ABCA7: variants seen among roughly 807,000 people sequenced by gnomAD.
ABCA7 encodes phospholipid-transporting ATPase ABCA7.
In ABCA7, 261 loss-of-function variants were observed where a neutral mutation model predicts 227.6. The ratio of observed to expected loss-of-function variants is 1.15; its 90% CI spans 1.04 to 1.27. The LOEUF (loss-of-function observed/expected upper bound fraction) is 1.27. ABCA7 is among the 50% of genes most tolerant of loss of function. The pLI is 0.00. For missense variants in ABCA7, 3,331 were observed against 2,924.5 expected (o/e 1.14, Z -3.21); for synonymous variants, 1,488 against 1,279.7 (o/e 1.16, Z -3.47).
intron 40 of ABCA7, among the ~76,000 whole-genome samples, chr19:1,061,390 C>CAAAAAA (rs978850571): frequency 0.012 from 428 of 36,900 alleles, 40 homozygotes; most frequent in African/African-American, 0.058. Flanking sequence ...GGCTCCGTCT[C>CAAAAAA]AAAAAAAAAA....
Position 1,046,252 on chromosome 19 carries a change from G to T in ABCA7, c.1468G>T (p.Ala490Ser). 1 of 1,607,172 alleles carries T rather than the reference G, an allele frequency of 6.2e-7. No homozygotes were observed. The highest frequency in any genetic ancestry group is 8.5e-7 in the Non-Finnish European group (1 of 1,179,744). ...RDRFWDPGPA[A>S]DPLTDLRYVW... The stretch of plus-strand genomic sequence containing the variant: ...CAGGTTTTGGGACCCTGGCCCAGCC[G>T]CGGACCCCCTGACCGACCTGCGCTA... The change falls in exon 13 of 47, where the codon GCG becomes TCG. Residue 490 changes from alanine (A) to serine (S), a missense_variant. Ala to Ser is a moderately conservative substitution (Grantham distance 99, BLOSUM62 1). Coordinates refer to ENST00000263094, the MANE Select transcript of ABCA7 (RefSeq NM_019112.4).
At chr19:1,050,706 G>A (rs982635667) in intron 18 of ABCA7, among the ~76,000 whole-genome samples, 5 of 150,304 alleles carry the variant, frequency 3.3e-5, no homozygotes, top group African/African-American at 1.2e-4. Flanking sequence ...CGTGAACCCG[G>A]GAGGTGGAGC....
Position 1,050,921 on chromosome 19 carries a change from G to T in ABCA7, c.2553G>T (p.Leu851=), listed in dbSNP as rs951115561. ...TACTCTGAGACCCCTCTATCCACAG[G>T]TCCATCTTGAGTGGCCTCTTCCCAC... ...GHNGAGKTTT[L]SILSGLFPPS... Residue 851 remains leucine, a splice_region_variant and synonymous_variant, in exon 19 of 47, where the codon CTG becomes CTT. Coordinates refer to ENST00000263094, the MANE Select transcript of ABCA7 (RefSeq NM_019112.4). 2.5e-6 allele frequency: 4 copies of T among 1,602,454 alleles called. No homozygotes were observed. In the African/African-American group the frequency reaches 5.4e-5, roughly 21 times the overall value.
Position 1,052,096 on chromosome 19 carries a change from G to C in ABCA7, c.3117G>C (p.Lys1039Asn), listed in dbSNP as rs780218011. The C allele has an allele frequency of 1.1e-5, 18 of 1,612,230 alleles. No individual in the cohort carries two copies. In the Middle Eastern group the frequency reaches 5.0e-4, roughly 44 times the overall value. ...LGSGYYLTLV[K>N]ARLPLTTNEK... Reference sequence around the variant, plus strand: ...CCGGCTACTACCTGACGCTGGTGAAGGCCCGCCTGCCCCTGACCACCAATG... The same window carrying C: ...CCGGCTACTACCTGACGCTGGTGAACGCCCGCCTGCCCCTGACCACCAATG... The change falls in exon 22 of 47, where the codon AAG (lysine) becomes AAC (asparagine). Residue 1039 changes from lysine (K) to asparagine (N), a missense_variant. Transcript: ENST00000263094.
intron 42 of ABCA7, among the ~76,000 whole-genome samples, chr19:1,063,243 C>T: frequency 7.3e-6 from 1 of 137,344 alleles, no homozygotes; most frequent in Non-Finnish European, 1.6e-5. Context: ...GCTGTCTCCA[C>T]CCACACCATG....
rs1348224523 is a variant in ABCA7, at chr19:1,042,381, C to A, written c.482C>A (p.Thr161Lys). The A allele has an allele frequency of 2.5e-6, 4 of 1,607,754 alleles. No individual in the cohort carries two copies. Among genetic ancestry groups the A allele is most frequent in the Non-Finnish European group, 3.4e-6 (4 of 1,175,862 alleles). The change falls in exon 6 of 47, where the codon ACG becomes AAG. Residue 161 changes from threonine (T) to lysine (K), a missense_variant. Transcript: ENST00000263094. ...ATGCTGGATGTCGCGGAGCTGCTGA[C>A]GTCACTGCTGCGCACGGTAGGGTGT... ...PPMLDVAELL[T>K]SLLRTESLGL...
chr19:1,043,518 C>T (rs1249527202), intron 9 of ABCA7, 45 bp downstream of exon 9: 1 of 1,612,530 alleles, frequency 6.2e-7, no homozygotes, highest in Non-Finnish European at 8.5e-7. Context: ...GTGGCCAGAG[C>T]CCATCCAGTA....
chr19:1,058,361 C>A (rs1364933714), intron 37 of ABCA7, 92 bp downstream of exon 37: 1 of 1,529,752 alleles, frequency 6.5e-7, no homozygotes, highest in Non-Finnish European at 8.8e-7. Flanking sequence ...GAAAAACAGC[C>A]CCCCAGGGAG....
rs752048506 is a variant in ABCA7 at position 1,057,066 on chromosome 19, C to T, written c.4746C>T (p.Gly1582=). The change falls in exon 34 of 47, where the codon GGC becomes GGT. Residue 1582 remains glycine (G), a synonymous_variant. Transcript: ENST00000263094. ...GGLSPTLYWL[G]NFLWDMCNYL... ...TGTCCCCCACCCTCTACTGGCTTGG[C>T]AACTTTCTCTGGGACATGGTGCGGG... 4 of 1,612,850 alleles carry T rather than the reference C, an allele frequency of 2.5e-6. No individual in the cohort carries two copies. In the South Asian group the frequency reaches 4.4e-5, roughly 18 times the overall value.
intron 11 of ABCA7, 24 bp downstream of exon 11, chr19:1,044,768 G>T (rs1348180293): frequency 3.8e-6 from 6 of 1,573,066 alleles, no homozygotes; most frequent in Non-Finnish European, 3.4e-6. Context: ...CACCTGCGGG[G>T]TCTGTTTCAG....
chr19:1,060,604 C>G (rs1403377216), intron 40 of ABCA7, among the ~76,000 whole-genome samples: 1 of 151,468 alleles, frequency 6.6e-6, no homozygotes, highest in African/African-American at 2.4e-5. Flanking sequence ...ACTGCAACCT[C>G]TGCCTCCCAG....
chr19:1,053,198 TG>T, intron 23 of ABCA7, 130 bp from the exon 24 acceptor site: 1 of 959,222 alleles, frequency 1.0e-6, no homozygotes, highest in Non-Finnish European at 1.5e-6. Context: ...CGGCCGCACC[TG>T]GCCTACGTTC....
At chr19:1,041,087 A>C (rs66544261) in intron 1 of ABCA7, 138 bp from the exon 2 acceptor site, 3 of 549,886 alleles carry the variant, frequency 5.5e-6, no homozygotes, top group East Asian at 6.1e-5. Context: ...CCCAGCTGTC[A>C]GCCCTGCTCA....
At position 1,051,461 on chromosome 19, in the gene ABCA7, G is replaced by C. The variant is rs949890542; in HGVS notation, c.2837G>C (p.Arg946Pro). The change falls in exon 21 of 47, where the codon CGG (arginine) becomes CCG (proline). Residue 946 changes from arginine to proline, a missense_variant. Coordinates refer to ENST00000263094, the MANE Select transcript of ABCA7 (RefSeq NM_019112.4). Reference protein sequence around the residue: ...QTRHLSGGMQRKLSVAIAFVG... With the variant: ...QTRHLSGGMQPKLSVAIAFVG... ...CCATCTCTACCAGGTGGGATGCAACGGAAGCTGTCCGTGGCCATTGCCTTT... is the reference window on the plus strand; with the variant it reads ...CCATCTCTACCAGGTGGGATGCAACCGAAGCTGTCCGTGGCCATTGCCTTT... 1 of 1,580,594 alleles carries C rather than the reference G, an allele frequency of 6.3e-7. No individual in the cohort carries two copies. Among genetic ancestry groups the C allele is most frequent in the Non-Finnish European group, 8.6e-7 (1 of 1,161,236 alleles).
At chr19:1,052,176 C>T (rs1437408624) in intron 22 of ABCA7, 38 bp from the exon 23 acceptor site, 1 of 1,600,526 alleles carries the variant, frequency 6.2e-7, no homozygotes, top group African/African-American at 1.3e-5. Flanking sequence ...TCTGTTCAGC[C>T]CTGAAGGCCA....
Position 1,061,841 on chromosome 19 carries a change from G to T in ABCA7, c.5523G>T (p.Thr1841=). 6.2e-7 allele frequency: 1 copy of T among 1,606,724 alleles called. No individual in the cohort carries two copies. The change falls in exon 41 of 47, where the codon ACG becomes ACT. Residue 1841 remains threonine (T), a synonymous_variant. Transcript: ENST00000263094. ...AGACGTCCACGTTTCGCATGGTGAC[G>T]GGGGACACATTGGCCAGCAGGGGCG... ...AGKTSTFRMV[T]GDTLASRGEA...
chr19:1,064,020 G>A, intron 44 of ABCA7, 141 bp from the exon 45 acceptor site: 1 of 1,332,124 alleles, frequency 7.5e-7, no homozygotes, highest in Non-Finnish European at 1.0e-6. Flanking sequence ...GTGGGACGCG[G>A]CGCCGGGATC....
In ABCA7 at chr19:1,064,269, C is replaced by A. The variant is rs1387183589; in HGVS notation, c.6044+16C>A. ...TCAAGGGCAGGTGAGCCGGCGCGGC[C>A]TCCAGGCAGGTGTGGGGTGAGGGTG... On this transcript the variant is annotated intron_variant, in intron 45 of 46. Transcript: ENST00000263094. The A allele has an allele frequency of 6.5e-7, 1 of 1,546,770 alleles. No individual in the cohort carries two copies.
At chr19:1,058,099 C>G (rs777202359) in intron 36 of ABCA7, 40 bp downstream of exon 36, 2 of 1,613,834 alleles carry the variant, frequency 1.2e-6, no homozygotes, top group Non-Finnish European at 1.7e-6. Flanking sequence ...TGGGTTGGGT[C>G]GTTGGACTCA....
Sources: gnomAD v4.1 joint callset for allele counts (sites outside exome capture counted in the v4.1 genomes callset) on GRCh38, gnomAD v4.1.1 for gene constraint, MANE v1.5 for transcripts, NCBI Gene and HGNC (gene_info 2026-07-23, HGNC 2026-07-21) for gene names.